Variants in FNBP1L observed in about 807,000 individuals in gnomAD.
The protein encoded by FNBP1L is formin binding protein 1 like.
Under a neutral mutation model 91.2 loss-of-function variants are expected in FNBP1L, and 36 were observed. The observed-to-expected ratio is 0.39, with a 90% CI of 0.30 to 0.52. The LOEUF is 0.52. Ranked by LOEUF, FNBP1L falls within the 20% of genes least tolerant of loss-of-function variation. The pLI, the probability that FNBP1L is intolerant of heterozygous loss-of-function variation, is 0.66. For missense variants in FNBP1L, 571 were observed against 732.1 expected (o/e 0.78, Z 2.54); for synonymous variants, 242 against 237.0 (o/e 1.02, Z -0.19).
At chr1:93,496,198 T>C in intron 1 of FNBP1L, among the ~76,000 whole-genome samples, 1 of 152,006 alleles carries the variant, frequency 6.6e-6, no homozygotes, top group Non-Finnish European at 1.5e-5. Context: ...TATTTAAATA[T>C]TAATTTTTTC....
At chr1:93,464,301 A>G (rs907653176) in intron 1 of FNBP1L, among the ~76,000 whole-genome samples, 1 of 152,212 alleles carries the variant, frequency 6.6e-6, no homozygotes, top group Non-Finnish European at 1.5e-5. Flanking sequence ...TCTCCTTGTA[A>G]TTGTAAAGAT....
At chr1:93,517,962 G>A (rs1019292230) in intron 2 of FNBP1L, among the ~76,000 whole-genome samples, 8 of 152,160 alleles carry the variant, frequency 5.3e-5, no homozygotes, top group East Asian at 1.9e-4. Context: ...TGCAGTTGTT[G>A]TAAGCATAAG....
intron 7 of FNBP1L, among the ~76,000 whole-genome samples, chr1:93,532,537 AAAG>A (rs998273598): frequency 4.0e-5 from 6 of 151,522 alleles, no homozygotes; most frequent in African/African-American, 1.5e-4. Flanking sequence ...AAAAAAAAAA[AAAG>A]CACCAGAATT....
At chr1:93,542,016 A>G (rs1361318967) in intron 11 of FNBP1L, among the ~76,000 whole-genome samples, 1 of 152,152 alleles carries the variant, frequency 6.6e-6, no homozygotes, top group African/African-American at 2.4e-5. Flanking sequence ...AAAAAACTCC[A>G]CAGTATGTTG....
intron 1 of FNBP1L, 30 bp downstream of exon 1, chr1:93,448,335 G>A (rs762662704): frequency 5.2e-5 from 77 of 1,488,034 alleles, no homozygotes; most frequent in Middle Eastern, 2.2e-4. Context: ...GCCCCGCACG[G>A]ACCCCGGCCC....
intron 1 of FNBP1L, among the ~76,000 whole-genome samples, chr1:93,489,839 A>G (rs1371718113): frequency 3.3e-5 from 5 of 152,216 alleles, no homozygotes; most frequent in African/African-American, 7.2e-5. Context: ...GACTGAAACA[A>G]AAAGTTTCTG....
chr1:93,551,225 T>A, intron 16 of FNBP1L, 120 bp downstream of exon 16: 5 of 1,390,476 alleles, frequency 3.6e-6, no homozygotes, highest in Non-Finnish European at 4.7e-6. Context: ...TTAAAGGGCA[T>A]CCAAGATTAA....
chr1:93,529,286 C>T (rs1671594901), intron 5 of FNBP1L, among the ~76,000 whole-genome samples: 1 of 151,984 alleles, frequency 6.6e-6, no homozygotes. Flanking sequence ...TATTTTTCCT[C>T]ATAGTCTGTA....
At chr1:93,518,695 A>G (rs1292131647) in intron 2 of FNBP1L, among the ~76,000 whole-genome samples, 3 of 152,208 alleles carry the variant, frequency 2.0e-5, no homozygotes, top group Non-Finnish European at 2.9e-5. Flanking sequence ...TCCTCCTCCT[A>G]TAGAAGCTTT....
At chr1:93,530,007 T>C (rs918668187) in intron 6 of FNBP1L, among the ~76,000 whole-genome samples, 44 of 152,170 alleles carry the variant, frequency 2.9e-4, no homozygotes, top group African/African-American at 1.1e-3. Flanking sequence ...TGGGATTGAG[T>C]TTTTAGCCTA....
Position 93,454,364 on chromosome 1 carries a change from A to G in FNBP1L, c.24+6059A>G, listed in dbSNP as rs539301272. ...TGTGTGTGTGTGTGTGTGTAGTTACACATTTGTATATAATCAAACCACTTT... is the reference window on the plus strand; with the variant it reads ...TGTGTGTGTGTGTGTGTGTAGTTACGCATTTGTATATAATCAAACCACTTT... On this transcript the variant is annotated intron_variant, in intron 1 of 16. Coordinates refer to ENST00000271234, the MANE Select transcript of FNBP1L (RefSeq NM_001164473.3). 9.9e-5 allele frequency among the ~76,000 whole-genome samples: 15 copies of G among 152,028 alleles called. No individual in the cohort carries two copies. The South Asian group carries it at 2.1e-3, about 21-fold the overall frequency.
chr1:93,452,355 A>G (rs1444304794), intron 1 of FNBP1L, among the ~76,000 whole-genome samples: 1 of 152,228 alleles, frequency 6.6e-6, no homozygotes, highest in African/African-American at 2.4e-5. Context: ...AAGAAAGTCT[A>G]AAGCTGAAAC....
Position 93,536,357 on chromosome 1 carries a change from C to T in FNBP1L, c.1016C>T (p.Thr339Ile). 1 of 1,546,462 alleles carries T rather than the reference C, an allele frequency of 6.5e-7. No individual in the cohort carries two copies. Among genetic ancestry groups the T allele is most frequent in the Non-Finnish European group, 8.7e-7 (1 of 1,144,278 alleles). ...PKPQSPPLTPTSLFTSSTPNG... is the reference protein window; with the variant it reads ...PKPQSPPLTPISLFTSSTPNG... ...CCACAGTCCCCACCCTTAACCCCTA[C>T]TAGTTTATTCACATCCAGTACTCCT... Residue 339 changes from threonine to isoleucine, a missense_variant, in exon 10 of 17, where the codon ACT (threonine) becomes ATT (isoleucine). This residue lies in a region of FNBP1L where 150 missense variants were observed against 155.9 expected (regional missense o/e 0.96). Coordinates refer to ENST00000271234, the MANE Select transcript of FNBP1L (RefSeq NM_001164473.3).
At chr1:93,494,719 A>G (rs1396686321) in intron 1 of FNBP1L, among the ~76,000 whole-genome samples, 1 of 152,242 alleles carries the variant, frequency 6.6e-6, no homozygotes, top group Non-Finnish European at 1.5e-5. Context: ...GTCTGTTCGC[A>G]TACTGCTAAT....
At chr1:93,512,405 C>T (rs1449789587) in intron 2 of FNBP1L, among the ~76,000 whole-genome samples, 2 of 151,532 alleles carry the variant, frequency 1.3e-5, no homozygotes, top group African/African-American at 4.9e-5. Context: ...TTGAACTCAG[C>T]TCTGCACCAA....
intron 9 of FNBP1L, among the ~76,000 whole-genome samples, chr1:93,536,108 G>A (rs61784069): frequency 2.6e-5 from 4 of 151,920 alleles, no homozygotes; most frequent in African/African-American, 9.7e-5. Flanking sequence ...TAATTTGTCC[G>A]ATGTTAAAAG....
In FNBP1L at chr1:93,512,608, A is replaced by G. The variant is rs1035264356; in HGVS notation, c.141-9474A>G. Among the ~76,000 whole-genome samples the G allele has an allele frequency of 2.2e-4, 33 of 151,132 alleles. 1 individual carries two copies. The highest frequency in any genetic ancestry group is 3.4e-3 in the Middle Eastern group (1 of 294). On this transcript the variant is annotated intron_variant, in intron 2 of 16. Coordinates refer to ENST00000271234, the MANE Select transcript of FNBP1L (RefSeq NM_001164473.3). ...CAGTGCAATCAAACTAGAACTCAGGATTAAGAATCTCACTCAAAACCGCTC... is the reference window on the plus strand; with the variant it reads ...CAGTGCAATCAAACTAGAACTCAGGGTTAAGAATCTCACTCAAAACCGCTC...
At chr1:93,451,058 T>TG (rs1164079666) in intron 1 of FNBP1L, among the ~76,000 whole-genome samples, 1 of 152,188 alleles carries the variant, frequency 6.6e-6, no homozygotes, top group Non-Finnish European at 1.5e-5. Context: ...AATAAGTTAG[T>TG]GAATATATAC....
intron 1 of FNBP1L, among the ~76,000 whole-genome samples, chr1:93,464,915 G>GGGAT (rs1669021399): frequency 6.6e-6 from 1 of 152,016 alleles, no homozygotes; most frequent in Admixed American, 6.6e-5. Context: ...AGGTACCTTG[G>GGGAT]GGATGATACC....
Sources: gnomAD v4.1 joint callset for allele counts (sites outside exome capture counted in the v4.1 genomes callset) on GRCh38, gnomAD v4.1.1 for gene constraint, gnomAD v4.1.1 regional missense constraint, MANE v1.5 for transcripts, NCBI Gene and HGNC (gene_info 2026-07-23, HGNC 2026-07-21) for gene names.